Variants in CDHR2 observed in about 807,000 individuals in gnomAD.
The protein encoded by CDHR2 is cadherin-related family member 2.
CDHR2 carries 104 observed loss-of-function variants against 138.6 expected under a neutral mutation model. That is an observed-to-expected ratio of 0.75 (90% CI 0.64 to 0.88). CDHR2 has a LOEUF of 0.88. Among genes scored for constraint, CDHR2 ranks in the 40% least tolerant of loss-of-function variants. The pLI, the probability that CDHR2 is intolerant of heterozygous loss-of-function variation, is 0.00. For synonymous variants in CDHR2, 755 were observed against 742.8 expected (o/e 1.02, Z -0.27); for missense variants, 1,624 against 1,727.6 (o/e 0.94, Z 1.06).
intron 16 of CDHR2, 60 bp from the exon 17 acceptor site, chr5:176,581,283 G>A (rs1263300207): frequency 6.8e-5 from 109 of 1,597,930 alleles, no homozygotes; most frequent in Non-Finnish European, 8.8e-5. Context: ...CGGCTGCATC[G>A]GAGGGGCTGG....
chr5:176,589,093 C>G lies in CDHR2; in HGVS notation c.2919C>G (p.Phe973Leu). 1 of 1,614,126 alleles carries G rather than the reference C, an allele frequency of 6.2e-7. No individual in the cohort carries two copies. The highest frequency in any genetic ancestry group is 1.3e-5 in the African/African-American group (1 of 75,056). ...TGTTCTCCATCCTCCGAGTAGACTT[C>G]ATCTCTAAGGACGGGGCCACCATCC... Reference protein sequence around the residue: ...VILFSILRVDFISKDGATIPF... With the variant: ...VILFSILRVDLISKDGATIPF... Residue 973 changes from phenylalanine (F) to leucine (L), a missense_variant, in exon 22 of 32, where the codon TTC becomes TTG. Phe to Leu is a conservative substitution (Grantham distance 22). Around this residue, in one of 3 missense-constraint regions of CDHR2, gnomAD observed 556 missense variants for 565.7 expected, o/e 0.98. Coordinates refer to ENST00000261944, the MANE Select transcript of CDHR2 (RefSeq NM_017675.6).
In CDHR2 at chr5:176,584,681, C is replaced by T. The variant is rs560114662; in HGVS notation, c.2400C>T (p.Asp800=). The T allele has an allele frequency of 9.6e-5, 155 of 1,614,120 alleles. 1 individual carries two copies. The South Asian group carries it at 1.3e-3, about 13-fold the overall frequency. ...TIVDVCVNVK[D]VNDNPPTLDV... The stretch of plus-strand genomic sequence containing the variant: ...TAGACGTCTGCGTGAATGTGAAAGA[C>T]GTGAACGACAATCCCCCCACCCTGG... The change falls in exon 19 of 32, where the codon GAC becomes GAT. Residue 800 remains aspartate, a synonymous_variant. Transcript: ENST00000261944.
chr5:176,588,665 G>A (rs1474909032), intron 21 of CDHR2, among the ~76,000 whole-genome samples: 3 of 146,814 alleles, frequency 2.0e-5, no homozygotes, highest in Admixed American at 2.0e-4. Context: ...GTGTGTGAGA[G>A]TGTGTGTGTG....
At position 176,543,491 on chromosome 5, in the gene CDHR2, G is replaced by C. The variant is rs918072333; in HGVS notation, c.-16+722G>C. Reference sequence around the variant, plus strand: ...CCGCGCGAATGGAGCTGCCTGGACCGCACCACGCGTGCGGGGCGGAGCCTC... The same window carrying C: ...CCGCGCGAATGGAGCTGCCTGGACCCCACCACGCGTGCGGGGCGGAGCCTC... On this transcript the variant is annotated intron_variant, in intron 1 of 31. Transcript: ENST00000510636. This position sits in a 1 kb window ranked among gnomAD's most constrained non-coding sequence, Gnocchi z 4.0. 6.6e-6 allele frequency: 1 copy of C among 152,026 alleles called. No homozygotes were observed. Among genetic ancestry groups the C allele is most frequent in the Non-Finnish European group, 1.5e-5 (1 of 67,986 alleles). The allele number at this position is 152,026 out of a possible 1,614,324, so 9.4% of individuals were successfully genotyped here.
chr5:176,573,499 T>C (rs1354290850), intron 6 of CDHR2, among the ~76,000 whole-genome samples: 2 of 151,320 alleles, frequency 1.3e-5, no homozygotes, highest in Non-Finnish European at 1.5e-5. Flanking sequence ...TAAAAAAAAT[T>C]AGCTAGGCAT....
At position 176,591,682 on chromosome 5, in the gene CDHR2, G is replaced by A. The variant is rs141983965; in HGVS notation, c.3734+198G>A. On this transcript the variant is annotated intron_variant, in intron 30 of 31. Coordinates refer to ENST00000261944, the MANE Select transcript of CDHR2 (RefSeq NM_017675.6). ...TAGCAATGGTGACAGTGGTGATGAT[G>A]ACAACAATGATGGTGGTGATGATGG... 1.3e-3 allele frequency: 730 copies of A among 555,556 alleles called. 4 individuals are homozygous for A. Among genetic ancestry groups the A allele is most frequent in the African/African-American group, 0.012 (597 of 50,866 alleles). 34.4% of individuals were successfully genotyped at this position (555,556 alleles called of 1,614,324 possible).
chr5:176,589,766 C>A, intron 24 of CDHR2, 150 bp downstream of exon 24: 1 of 730,106 alleles, frequency 1.4e-6, no homozygotes, highest in Non-Finnish European at 2.3e-6. Flanking sequence ...TTCACCTGCA[C>A]GACGTTCTTG....
intron 25 of CDHR2, 51 bp from the exon 26 acceptor site, chr5:176,590,202 G>A (rs756789107): frequency 6.2e-7 from 1 of 1,605,656 alleles, no homozygotes; most frequent in African/African-American, 1.3e-5. Flanking sequence ...TAGCAGGAGG[G>A]GCCTGCTGGG....
chr5:176,578,056 C>T lies in CDHR2; in HGVS notation c.1535C>T (p.Ala512Val), dbSNP rs778311985. The part of the protein sequence containing the change: ...SIHATDPDTG[A>V]WGQITYSLLP... ...CAGGCCACGGACCCAGACACGGGCGCGTGGGGCCAAATTACCTACAGCCTG... is the reference window on the plus strand; with the variant it reads ...CAGGCCACGGACCCAGACACGGGCGTGTGGGGCCAAATTACCTACAGCCTG... The change falls in exon 15 of 32, where the codon GCG (alanine) becomes GTG (valine). Residue 512 changes from alanine to valine, a missense_variant. Ala to Val is a moderately conservative substitution (Grantham distance 64, BLOSUM62 0). Around this residue, in one of 3 missense-constraint regions of CDHR2, gnomAD observed 1,061 missense variants for 1,136.6 expected, o/e 0.93. Coordinates refer to ENST00000261944, the MANE Select transcript of CDHR2 (RefSeq NM_017675.6). 20 of 1,612,522 alleles carry T rather than the reference C, an allele frequency of 1.2e-5. No individual in the cohort carries two copies. The highest frequency in any genetic ancestry group is 1.6e-4 in the Middle Eastern group (1 of 6,072).
rs140608026 is a variant in CDHR2 at position 176,576,874 on chromosome 5, G to T, written c.1195-525G>T. On this transcript the variant is annotated intron_variant, in intron 12 of 31. Transcript: ENST00000261944. This position sits in a 1 kb window ranked among gnomAD's most constrained non-coding sequence, Gnocchi z 4.5. ...TTGCAGGCGTGAGCCACCGCGCCCA[G>T]CCATGGGAGGCACTCTTAAGTGGAG... Among the ~76,000 whole-genome samples, 111 of 152,318 alleles carry T rather than the reference G, an allele frequency of 7.3e-4. No individual in the cohort carries two copies. The highest frequency in any genetic ancestry group is 1.3e-3 in the Non-Finnish European group (88 of 68,036).
intron 1 of CDHR2, among the ~76,000 whole-genome samples, chr5:176,554,332 T>C (rs963493972): frequency 1.7e-4 from 26 of 152,284 alleles, no homozygotes; most frequent in Middle Eastern, 3.4e-3. Context: ...TCCATGGTGA[T>C]TGCAGTGGGA....
At chr5:176,552,445 G>A (rs577124308) in intron 1 of CDHR2, among the ~76,000 whole-genome samples, 3 of 152,216 alleles carry the variant, frequency 2.0e-5, no homozygotes, top group Non-Finnish European at 4.4e-5. Flanking sequence ...AGAGCAGCTC[G>A]TGTGGAAAAA....
chr5:176,564,508 G>T (rs12522686), intron 1 of CDHR2, among the ~76,000 whole-genome samples: 2 of 152,022 alleles, frequency 1.3e-5, no homozygotes, highest in Non-Finnish European at 2.9e-5. Context: ...GCATTGAAAG[G>T]GCCTTGATGT....
At chr5:176,571,088 GAGAA>G (rs1212092563) in intron 5 of CDHR2, 121 bp from the exon 6 acceptor site, 15 of 342,576 alleles carry the variant, frequency 4.4e-5, no homozygotes, top group Admixed American at 2.0e-4. Context: ...AACATATGGA[GAGAA>G]AGAGAGACCA....
intron 16 of CDHR2, among the ~76,000 whole-genome samples, chr5:176,580,424 G>A (rs191702725): frequency 8.8e-4 from 132 of 150,676 alleles, no homozygotes; most frequent in African/African-American, 3.0e-3. Context: ...AGCTACTTGG[G>A]AGGCTGAGGC....
intron 29 of CDHR2, 23 bp downstream of exon 29, chr5:176,591,346 G>A: frequency 6.2e-7 from 1 of 1,610,918 alleles, no homozygotes; most frequent in Non-Finnish European, 8.5e-7. Context: ...CAAAGGGTAG[G>A]TAAGAGGCCT....
chr5:176,592,930 G>T (rs1758924438), intron 31 of CDHR2, 150 bp downstream of exon 31: 1 of 705,492 alleles, frequency 1.4e-6, no homozygotes, highest in African/African-American at 1.8e-5. Flanking sequence ...TTGGAATGGG[G>T]TCCAATTCCT....
intron 1 of CDHR2, among the ~76,000 whole-genome samples, chr5:176,558,201 GTTTTC>G (rs1330771214): frequency 7.1e-6 from 1 of 140,944 alleles, no homozygotes. Context: ...TGCTTGCTTA[GTTTTC>G]TTTTCTTATT....
intron 1 of CDHR2, among the ~76,000 whole-genome samples, chr5:176,554,557 C>G (rs1757779083): frequency 6.6e-6 from 1 of 152,266 alleles, no homozygotes; most frequent in African/African-American, 2.4e-5. Flanking sequence ...TGCTCCTTGA[C>G]TCTGTAAACT....
Sources: gnomAD v4.1 joint callset for allele counts (sites outside exome capture counted in the v4.1 genomes callset) on GRCh38, gnomAD v4.1.1 for gene constraint, gnomAD v4.1.1 regional missense constraint, Gnocchi (gnomAD v3.1) non-coding constraint, MANE v1.5 for transcripts, NCBI Gene and HGNC (gene_info 2026-07-23, HGNC 2026-07-21) for gene names.